Variants in MFSD11 observed in about 807,000 individuals in gnomAD.
MFSD11 encodes the protein major facilitator superfamily domain containing 11.
In MFSD11, 36 loss-of-function variants were observed where a neutral mutation model predicts 53.5. That is an observed-to-expected ratio of 0.67 (90% CI 0.52 to 0.89). The LOEUF (loss-of-function observed/expected upper bound fraction) is 0.89. MFSD11 is among the 40% of genes least tolerant of loss of function. The probability of loss-of-function intolerance (pLI) is 0.00; values close to 1 mark genes in which losing one functional copy is unlikely to be tolerated. For missense variants in MFSD11, 530 were observed against 543.9 expected (o/e 0.97, Z 0.25); for synonymous variants, 186 against 184.9 (o/e 1.01, Z -0.05).
intron 8 of MFSD11, among the ~76,000 whole-genome samples, chr17:76,755,554 A>G (rs1035121404): frequency 4.0e-5 from 6 of 151,894 alleles, no homozygotes; most frequent in Non-Finnish European, 1.5e-5. Context: ...CTAATCAGCC[A>G]TGGCCTGGCT....
rs1277933145 is a variant in MFSD11 at position 76,778,703 on chromosome 17, G to A, written c.*351G>A. 1 of 191,406 alleles carries A rather than the reference G, an allele frequency of 5.2e-6. No individual in the cohort carries two copies. Among genetic ancestry groups the A allele is most frequent in the East Asian group, 1.3e-4 (1 of 7,814 alleles). The allele number at this position is 191,406 out of a possible 1,614,324, so 11.9% of individuals were successfully genotyped here. ...CTTGATTTAGAATACTAGGCCATAT[G>A]TCATATAAATATTTTTTCTGGATAT... On this transcript the variant is annotated 3_prime_UTR_variant, in exon 13 of 13. Transcript: ENST00000685175.
chr17:76,792,364 C>T, the MFSD11 span, among the ~76,000 whole-genome samples: 2 of 151,378 alleles, frequency 1.3e-5, no homozygotes, highest in Non-Finnish European at 2.9e-5. Flanking sequence ...AGTGATCCAC[C>T]CATCTCAGCC....
chr17:76,762,536 G>A (rs486239), intron 8 of MFSD11, among the ~76,000 whole-genome samples: 130,795 of 151,966 alleles, frequency 0.86, 59,662 homozygotes, highest in Non-Finnish European at 1. Flanking sequence ...GCGTAGTGGC[G>A]GGCACCTGTA....
At chr17:76,800,506 C>T in the MFSD11 span, among the ~76,000 whole-genome samples, 1 of 152,052 alleles carries the variant, frequency 6.6e-6, no homozygotes, top group Non-Finnish European at 1.5e-5. Context: ...GGCCATTTGT[C>T]TGTGGGTAAT....
chr17:76,762,779 C>T (rs1047468272), intron 8 of MFSD11, among the ~76,000 whole-genome samples: 9 of 151,834 alleles, frequency 5.9e-5, no homozygotes, highest in South Asian at 4.2e-4. Flanking sequence ...GTGGACTTCC[C>T]GAGTAGAAAG....
chr17:76,782,073 G>A (rs1404587692), downstream of MFSD11, among the ~76,000 whole-genome samples: 3 of 149,626 alleles, frequency 2.0e-5, no homozygotes, highest in Non-Finnish European at 2.9e-5. Context: ...CTCCTGCCTC[G>A]GCCTTCCAAA....
chr17:76,738,303 G>C lies in MFSD11; in HGVS notation c.-50G>C, dbSNP rs573247013. Reference sequence around the variant, plus strand: ...CCAGGATTGTCAGTGGCTTCGCCCCGAGGAGAGCTGACTGCCCTGGGCTGC... The same window carrying C: ...CCAGGATTGTCAGTGGCTTCGCCCCCAGGAGAGCTGACTGCCCTGGGCTGC... On this transcript the variant is annotated 5_prime_UTR_variant, in exon 1 of 13. Coordinates refer to ENST00000685175, the MANE Select transcript of MFSD11 (RefSeq NM_001242532.5). The C allele has an allele frequency of 8.7e-6, 11 of 1,258,184 alleles. No homozygotes were observed. In the East Asian group the frequency reaches 1.2e-4, roughly 13 times the overall value. The allele number at this position is 1,258,184 out of a possible 1,614,324, so 77.9% of individuals were successfully genotyped here.
the MFSD11 span, among the ~76,000 whole-genome samples, chr17:76,792,599 C>T: frequency 3.8e-3 from 571 of 151,404 alleles, 15 homozygotes; most frequent in Admixed American, 6.2e-3. Flanking sequence ...GATAAGGACC[C>T]GCCTAAATTT....
chr17:76,767,750 T>C (rs2144757340), intron 9 of MFSD11, among the ~76,000 whole-genome samples: 1 of 152,334 alleles, frequency 6.6e-6, no homozygotes, highest in East Asian at 1.9e-4. Flanking sequence ...CCTTAGTTAA[T>C]GGACTGATGG....
Position 76,738,771 on chromosome 17 carries a change from C to T in MFSD11, c.97-167C>T, listed in dbSNP as rs148302741. Among the ~76,000 whole-genome samples, 361 of 152,310 alleles carry T rather than the reference C, an allele frequency of 2.4e-3. 2 individuals are homozygous for T. The highest frequency in any genetic ancestry group is 8.3e-3 in the African/African-American group (344 of 41,558). On this transcript the variant is annotated intron_variant, in intron 1 of 12. Coordinates refer to ENST00000685175, the MANE Select transcript of MFSD11 (RefSeq NM_001242532.5). ...CTCCCCCCTCCCTGTCATTGGTTTG[C>T]CTTCTGCAGTTCTGTTGTCCTTTTT...
intron 5 of MFSD11, among the ~76,000 whole-genome samples, chr17:76,742,769 G>C (rs988635255): frequency 2.6e-5 from 4 of 152,168 alleles, no homozygotes; most frequent in Non-Finnish European, 5.9e-5. Flanking sequence ...CTCCCAGAGT[G>C]TTGGGATTAC....
the MFSD11 span, among the ~76,000 whole-genome samples, chr17:76,786,634 A>G: frequency 6.6e-6 from 1 of 152,196 alleles, no homozygotes; most frequent in South Asian, 2.1e-4. Context: ...CTCTTACCCC[A>G]GCAACAAAGA....
At chr17:76,762,892 C>A (rs2080428776) in intron 8 of MFSD11, among the ~76,000 whole-genome samples, 1 of 151,140 alleles carries the variant, frequency 6.6e-6, no homozygotes, top group Admixed American at 6.6e-5. Flanking sequence ...TTTTTAAACT[C>A]CCCACATTCC....
chr17:76,773,991 T>C (rs2081595671), intron 10 of MFSD11, among the ~76,000 whole-genome samples: 1 of 152,010 alleles, frequency 6.6e-6, no homozygotes, highest in Non-Finnish European at 1.5e-5. Flanking sequence ...AATGACATGA[T>C]CTTGGTTCAC....
intron 7 of MFSD11, among the ~76,000 whole-genome samples, chr17:76,747,015 TC>T (rs138412823): frequency 0.086 from 13,112 of 151,814 alleles, 1,818 homozygotes; most frequent in African/African-American, 0.29. Context: ...TTCAAGAGAT[TC>T]CTCCTGCCTC....
chr17:76,772,912 C>CTCAG (rs1157658829), intron 10 of MFSD11, among the ~76,000 whole-genome samples: 3 of 152,180 alleles, frequency 2.0e-5, no homozygotes, highest in Admixed American at 1.3e-4. Context: ...TGGAGCATTA[C>CTCAG]TCAGTCTAGG....
chr17:76,767,884 T>C (rs888906655), intron 9 of MFSD11, among the ~76,000 whole-genome samples: 10 of 152,206 alleles, frequency 6.6e-5, no homozygotes, highest in African/African-American at 2.2e-4. Flanking sequence ...CCAAATTCAG[T>C]GTGGAAGGAT....
At chr17:76,791,131 A>AT in the MFSD11 span, among the ~76,000 whole-genome samples, 3 of 148,350 alleles carry the variant, frequency 2.0e-5, 1 homozygote, top group African/African-American at 7.6e-5. Flanking sequence ...TCCCTGCAGC[A>AT]TTGGGCTATG....
upstream of MFSD11, chr17:76,736,696 C>T: frequency 7.7e-7 from 1 of 1,295,640 alleles, no homozygotes; most frequent in South Asian, 2.0e-5. Context: ...ACCCCCGCCC[C>T]GTCCGGGCCC....
Sources: allele counts gnomAD v4.1 joint callset (sites outside exome capture counted in the v4.1 genomes callset), GRCh38; gene constraint gnomAD v4.1.1; transcripts MANE v1.5; gene names NCBI Gene and HGNC (gene_info 2026-07-23, HGNC 2026-07-21).